The following MACROD2 variants were observed in gnomAD, a reference collection of about 807,000 sequenced individuals.
MACROD2 encodes the protein ADP-ribose glycohydrolase MACROD2.
A neutral mutation model predicts 70.4 loss-of-function variants in MACROD2; 36 were observed. The ratio of observed to expected loss-of-function variants is 0.51; its 90% CI spans 0.39 to 0.68. MACROD2 has a LOEUF of 0.68. Among genes scored for constraint, MACROD2 ranks in the 30% least tolerant of loss-of-function variants. MACROD2 has a pLI of 0.00. For missense variants in MACROD2, 496 were observed against 538.4 expected (o/e 0.92, Z 0.78); for synonymous variants, 172 against 178.8 (o/e 0.96, Z 0.30).
At chr20:14,758,776 G>A (rs982788092) in intron 5 of MACROD2, among the ~76,000 whole-genome samples, 6 of 152,128 alleles carry the variant, frequency 3.9e-5, no homozygotes, top group Non-Finnish European at 8.8e-5. Flanking sequence ...TAGGATTTCA[G>A]TATCAGAGAT....
chr20:15,063,339 T>G (rs1329587054), intron 5 of MACROD2, among the ~76,000 whole-genome samples: 1 of 152,244 alleles, frequency 6.6e-6, no homozygotes, highest in African/African-American at 2.4e-5. Flanking sequence ...CAATTTTGCT[T>G]CCTGCTTCTT....
intron 5 of MACROD2, among the ~76,000 whole-genome samples, chr20:14,978,465 C>T (rs2074763176): frequency 6.7e-6 from 1 of 149,030 alleles, no homozygotes; most frequent in Non-Finnish European, 1.5e-5. Context: ...ATTACTTCTA[C>T]AGGCAATGGC....
At chr20:15,375,011 C>T (rs904523880) in intron 6 of MACROD2, among the ~76,000 whole-genome samples, 2 of 152,098 alleles carry the variant, frequency 1.3e-5, no homozygotes, top group Admixed American at 6.5e-5. Flanking sequence ...GAAAATGGGC[C>T]GGCATTGGAT....
chr20:15,224,170 G>A (rs554800308), intron 5 of MACROD2, among the ~76,000 whole-genome samples: 2 of 152,288 alleles, frequency 1.3e-5, no homozygotes, highest in East Asian at 3.9e-4. Context: ...CCCTAGCCAA[G>A]CCATTGCAGA....
At chr20:15,082,740 T>A (rs2075715158) in intron 5 of MACROD2, among the ~76,000 whole-genome samples, 1 of 152,128 alleles carries the variant, frequency 6.6e-6, no homozygotes, top group South Asian at 2.1e-4. Context: ...TTTTCCCCTT[T>A]GAATAGCAAT....
At chr20:15,752,880 A>G (rs1286202213) in intron 8 of MACROD2, among the ~76,000 whole-genome samples, 1 of 152,178 alleles carries the variant, frequency 6.6e-6, no homozygotes, top group Non-Finnish European at 1.5e-5. Context: ...GAGAGGATGA[A>G]CTATGAAAAT....
chr20:15,798,696 T>C (rs561978927), intron 8 of MACROD2, among the ~76,000 whole-genome samples: 1 of 152,304 alleles, frequency 6.6e-6, no homozygotes, highest in East Asian at 1.9e-4. Context: ...AGCAGACACA[T>C]ACCAATGTCT....
At chr20:14,653,992 T>A (rs1985829337) in intron 4 of MACROD2, among the ~76,000 whole-genome samples, 1 of 152,168 alleles carries the variant, frequency 6.6e-6, no homozygotes. Context: ...TTCTAGTAGG[T>A]TTCCTGGGAT....
At chr20:14,540,339 C>G (rs777875705) in intron 4 of MACROD2, among the ~76,000 whole-genome samples, 1 of 152,098 alleles carries the variant, frequency 6.6e-6, no homozygotes, top group East Asian at 1.9e-4. Context: ...AGGCAAGAAG[C>G]AGTAGCAGCT....
intron 5 of MACROD2, among the ~76,000 whole-genome samples, chr20:15,130,861 C>T (rs898168842): frequency 7.2e-5 from 11 of 152,018 alleles, no homozygotes; most frequent in African/African-American, 1.2e-4. Context: ...AGTAGAGGCT[C>T]AGAGGCCCTG....
At position 14,698,136 on chromosome 20, in the gene MACROD2, C is replaced by A. The variant is rs558072280; in HGVS notation, c.418+13177C>A. Among the ~76,000 whole-genome samples the A allele has an allele frequency of 2.0e-5, 3 of 152,260 alleles. No homozygotes were observed. In the South Asian group the frequency reaches 6.2e-4, roughly 32 times the overall value. On this transcript the variant is annotated intron_variant, in intron 5 of 17. Coordinates refer to ENST00000684519, the MANE Select transcript of MACROD2 (RefSeq NM_001351661.2). ...AAGTGACCTGCCCAAGGTCTTCTTG[C>A]ACAGATACTTAAGTGATGGAATGGG...
chr20:16,008,355 G>A (rs2066817801), intron 15 of MACROD2, among the ~76,000 whole-genome samples: 1 of 152,166 alleles, frequency 6.6e-6, no homozygotes, highest in Non-Finnish European at 1.5e-5. Flanking sequence ...TCAAACCGTG[G>A]ATATAGATTG....
intron 5 of MACROD2, among the ~76,000 whole-genome samples, chr20:15,216,978 C>A (rs1177627100): frequency 1.3e-5 from 2 of 152,058 alleles, no homozygotes; most frequent in Non-Finnish European, 2.9e-5. Context: ...GAATTGAGAA[C>A]AAATTAAAAA....
chr20:14,628,040 A>G (rs1984286934), intron 4 of MACROD2, among the ~76,000 whole-genome samples: 2 of 152,222 alleles, frequency 1.3e-5, no homozygotes, highest in Non-Finnish European at 1.5e-5. Flanking sequence ...TCCCAAAAGC[A>G]CTATCTGATC....
intron 5 of MACROD2, among the ~76,000 whole-genome samples, chr20:14,814,921 T>TTGAA (rs71190149): frequency 0.35 from 52,266 of 150,824 alleles, 10,792 homozygotes; most frequent in Non-Finnish European, 0.46. Context: ...TGAACATTTA[T>TTGAA]TGAATGAATG....
At chr20:16,006,198 C>G (rs113356122) in intron 15 of MACROD2, among the ~76,000 whole-genome samples, 1 of 151,726 alleles carries the variant, frequency 6.6e-6, no homozygotes, top group African/African-American at 2.4e-5. Context: ...CTTTGGGACT[C>G]TATTTGGACC....
intron 3 of MACROD2, among the ~76,000 whole-genome samples, chr20:14,212,963 T>A (rs1414290171): frequency 6.6e-6 from 1 of 151,716 alleles, no homozygotes; most frequent in Non-Finnish European, 1.5e-5. Context: ...TAACCGTGGC[T>A]GAGTAAAGGC....
At chr20:14,804,889 G>A (rs2072620454) in intron 5 of MACROD2, among the ~76,000 whole-genome samples, 1 of 149,722 alleles carries the variant, frequency 6.7e-6, no homozygotes, top group South Asian at 2.1e-4. Context: ...GTGTGTGTGT[G>A]TGTGAGAGAG....
At chr20:14,320,118 T>C (rs768045206) in intron 3 of MACROD2, among the ~76,000 whole-genome samples, 3 of 152,208 alleles carry the variant, frequency 2.0e-5, no homozygotes, top group Non-Finnish European at 2.9e-5. Context: ...CATAGTCACC[T>C]GTTCAAAGCC....
Sources: gnomAD v4.1 joint callset for allele counts (sites outside exome capture counted in the v4.1 genomes callset) on GRCh38, gnomAD v4.1.1 for gene constraint, MANE v1.5 for transcripts, NCBI Gene and HGNC (gene_info 2026-07-23, HGNC 2026-07-21) for gene names.